FGF12: variants seen among roughly 807,000 people sequenced by gnomAD.
The protein encoded by FGF12 is fibroblast growth factor 12B.
In FGF12, 14 loss-of-function variants were observed where a neutral mutation model predicts 23.6. That is an observed-to-expected ratio of 0.59 (90% CI 0.39 to 0.93). The LOEUF (loss-of-function observed/expected upper bound fraction) is 0.93, where lower values mean the gene tolerates loss of function less well. FGF12 is among the 40% of genes least tolerant of loss of function. FGF12 has a pLI of 0.00. For synonymous variants in FGF12, 62 were observed against 77.3 expected, an observed-to-expected ratio of 0.80 and a Z score of 1.04; for missense variants, 175 against 217.8, an observed-to-expected ratio of 0.80 and a Z score of 1.24.
chr3:192,644,784 G>T (rs1407307245), intron 2 of FGF12, among the ~76,000 whole-genome samples: 1 of 152,004 alleles, frequency 6.6e-6, no homozygotes, highest in Non-Finnish European at 1.5e-5. Context: ...GCCCTTCAAG[G>T]GCTCATGTCT....
At position 192,611,507 on chromosome 3, in the gene FGF12, C is replaced by T. The variant is rs1577078547; in HGVS notation, c.13+115674G>A. ...GCATTAGCCTTAAGGATATCTGAAGCTGTATTGAATGTATTCTGTAAAATA... is the reference window on the plus strand; with the variant it reads ...GCATTAGCCTTAAGGATATCTGAAGTTGTATTGAATGTATTCTGTAAAATA... On this transcript the variant is annotated intron_variant, in intron 2 of 5. Transcript: ENST00000445105. 2.6e-5 allele frequency among the ~76,000 whole-genome samples: 4 copies of T among 152,030 alleles called. No homozygotes were observed. The South Asian group carries it at 8.3e-4, about 32-fold the overall frequency.
chr3:192,709,755 T>G (rs1718603033), intron 2 of FGF12, among the ~76,000 whole-genome samples: 1 of 152,188 alleles, frequency 6.6e-6, no homozygotes, highest in African/African-American at 2.4e-5. Context: ...ACATTTCCAA[T>G]CATGAGTTTT....
chr3:192,281,868 C>T (rs531742068), intron 4 of FGF12, among the ~76,000 whole-genome samples: 3 of 152,238 alleles, frequency 2.0e-5, no homozygotes, highest in South Asian at 2.1e-4. Context: ...TTCCTGTAAT[C>T]GTTTCCTGAT....
intron 2 of FGF12, among the ~76,000 whole-genome samples, chr3:192,427,208 C>T (rs961031301): frequency 6.6e-6 from 1 of 151,972 alleles, no homozygotes; most frequent in Non-Finnish European, 1.5e-5. Flanking sequence ...TGGTGAAACC[C>T]CGTCTCTACT....
At chr3:192,264,576 A>T (rs1712962848) in intron 4 of FGF12, among the ~76,000 whole-genome samples, 1 of 152,090 alleles carries the variant, frequency 6.6e-6, no homozygotes, top group African/African-American at 2.4e-5. Context: ...CCTCTATTCA[A>T]CCTAAGGAAG....
chr3:192,294,014 A>G (rs1714902180), intron 4 of FGF12, among the ~76,000 whole-genome samples: 1 of 152,184 alleles, frequency 6.6e-6, no homozygotes, highest in Non-Finnish European at 1.5e-5. Flanking sequence ...TAATTGAATC[A>G]TGGGGGTGGT....
At chr3:192,550,511 T>C (rs55677546) in intron 2 of FGF12, among the ~76,000 whole-genome samples, 21,283 of 151,618 alleles carry the variant, frequency 0.14, 1,981 homozygotes, top group East Asian at 0.29. Flanking sequence ...TGAACCATGG[T>C]TCTCTGAAGA....
chr3:192,709,818 T>A (rs941368055), intron 2 of FGF12, among the ~76,000 whole-genome samples: 1 of 152,188 alleles, frequency 6.6e-6, no homozygotes, highest in African/African-American at 2.4e-5. Context: ...CTTGTTAATA[T>A]CTTTATGATG....
chr3:192,631,501 A>G (rs1219002251), intron 2 of FGF12, among the ~76,000 whole-genome samples: 1 of 152,160 alleles, frequency 6.6e-6, no homozygotes, highest in Admixed American at 6.5e-5. Flanking sequence ...AATTTTCCTA[A>G]CTCCTTGTAC....
intron 4 of FGF12, among the ~76,000 whole-genome samples, chr3:192,286,239 C>T (rs1387947766): frequency 6.6e-6 from 1 of 151,952 alleles, no homozygotes; most frequent in Non-Finnish European, 1.5e-5. Context: ...GCTGTTGGCG[C>T]CCATCAGAGA....
intron 2 of FGF12, among the ~76,000 whole-genome samples, chr3:192,478,716 C>G (rs1175558660): frequency 6.6e-6 from 1 of 152,080 alleles, no homozygotes; most frequent in Non-Finnish European, 1.5e-5. Flanking sequence ...TGAACACCGG[C>G]TGAAAGAAAA....
At chr3:192,577,045 G>C (rs1333853714) in intron 2 of FGF12, among the ~76,000 whole-genome samples, 2 of 152,054 alleles carry the variant, frequency 1.3e-5, no homozygotes, top group Non-Finnish European at 2.9e-5. Context: ...TCACACACCA[G>C]GGCCTGTCGG....
chr3:192,621,255 T>TA, intron 2 of FGF12, among the ~76,000 whole-genome samples: 2 of 152,244 alleles, frequency 1.3e-5, no homozygotes, highest in African/African-American at 4.8e-5. Flanking sequence ...ACTTCCTCAA[T>TA]GAAATTCTTT....
At position 192,495,803 on chromosome 3, in the gene FGF12, C is replaced by T. The variant is rs182662144; in HGVS notation, c.14-135265G>A. On this transcript the variant is annotated intron_variant, in intron 2 of 5. Coordinates refer to ENST00000445105, the MANE Select transcript of FGF12 (RefSeq NM_004113.6). ...CAACTCAGCCTCGAGTAGTTGGGACCATAAGCATGTGCCACCACCCCCAAC... is the reference window on the plus strand; with the variant it reads ...CAACTCAGCCTCGAGTAGTTGGGACTATAAGCATGTGCCACCACCCCCAAC... Among the ~76,000 whole-genome samples the T allele has an allele frequency of 5.3e-4, 80 of 152,050 alleles. 2 individuals are homozygous for T. Among genetic ancestry groups the T allele is most frequent in the Admixed American group, 2.8e-3 (42 of 15,246 alleles).
intron 2 of FGF12, among the ~76,000 whole-genome samples, chr3:192,538,168 A>G (rs1167101223): frequency 6.6e-6 from 1 of 151,878 alleles, no homozygotes; most frequent in Admixed American, 6.6e-5. Context: ...GACTGGTCTC[A>G]AACTCCTGAC....
intron 4 of FGF12, among the ~76,000 whole-genome samples, chr3:192,235,223 G>T (rs887702554): frequency 6.6e-6 from 1 of 152,142 alleles, no homozygotes; most frequent in Non-Finnish European, 1.5e-5. Context: ...TTCAGAACTC[G>T]TTATTGGCCT....
At chr3:192,468,419 C>T (rs1181585426) in intron 2 of FGF12, among the ~76,000 whole-genome samples, 1 of 152,218 alleles carries the variant, frequency 6.6e-6, no homozygotes, top group Non-Finnish European at 1.5e-5. Flanking sequence ...CAGTGTATCA[C>T]ATACAACACT....
At chr3:192,361,270 T>C (rs1361948716) in intron 2 of FGF12, among the ~76,000 whole-genome samples, 1 of 152,106 alleles carries the variant, frequency 6.6e-6, no homozygotes, top group Non-Finnish European at 1.5e-5. Flanking sequence ...ACAAATACTT[T>C]CAAACTAACC....
chr3:192,310,809 A>G (rs191469711), intron 4 of FGF12, among the ~76,000 whole-genome samples: 47 of 152,304 alleles, frequency 3.1e-4, no homozygotes, highest in African/African-American at 1.1e-3. Flanking sequence ...TTAATCAGGA[A>G]AACTCTTCTT....
Sources: allele counts gnomAD v4.1 joint callset (sites outside exome capture counted in the v4.1 genomes callset), GRCh38; gene constraint gnomAD v4.1.1; transcripts MANE v1.5; gene names NCBI Gene and HGNC (gene_info 2026-07-23, HGNC 2026-07-21).